Variants in MED13L observed in about 807,000 individuals in gnomAD.
MED13L encodes the protein mediator complex subunit 13L, also known as mediator of RNA polymerase II transcription subunit 13-like.
A neutral mutation model predicts 220.9 loss-of-function variants in MED13L; 7 were observed. That is an observed-to-expected ratio of 0.03 (90% CI 0.02 to 0.06). MED13L has a LOEUF of 0.06. Among genes scored for constraint, MED13L ranks in the 10% least tolerant of loss-of-function variants. The pLI, the probability that MED13L is intolerant of heterozygous loss-of-function variation, is 1.00. For missense variants in MED13L, 1,965 were observed against 2,760.5 expected (o/e 0.71, Z 6.46); for synonymous variants, 1,011 against 1,015.2 (o/e 1.00, Z 0.08).
At chr12:115,993,581 G>C (rs1045843507) in intron 16 of MED13L, among the ~76,000 whole-genome samples, 1 of 151,346 alleles carries the variant, frequency 6.6e-6, no homozygotes, top group African/African-American at 2.4e-5. Flanking sequence ...CAGAAAACTT[G>C]ATTGGCAATC....
At chr12:116,156,400 C>CT (rs1468250966) in intron 2 of MED13L, among the ~76,000 whole-genome samples, 1 of 67,620 alleles carries the variant, frequency 1.5e-5, no homozygotes, top group Non-Finnish European at 2.5e-5. Flanking sequence ...TCTCCAATTA[C>CT]TTAAAAAAAA....
At chr12:116,007,046 T>C (rs1879092176) in intron 11 of MED13L, 2 of 327,802 alleles carry the variant, frequency 6.1e-6, no homozygotes, top group African/African-American at 4.3e-5. Flanking sequence ...ATAAATTGTG[T>C]ATACCTACTG....
chr12:116,003,148 T>C (rs375688781), intron 13 of MED13L, 46 bp from the exon 14 acceptor site: 41 of 1,521,750 alleles, frequency 2.7e-5, no homozygotes, highest in Non-Finnish European at 3.3e-5. Context: ...TGTATATAAG[T>C]AGGGCAGCAT....
chr12:116,179,210 T>G (rs1250595321), intron 2 of MED13L, among the ~76,000 whole-genome samples: 9 of 141,784 alleles, frequency 6.3e-5, no homozygotes, highest in African/African-American at 2.0e-4. Flanking sequence ...TTTACGTGTG[T>G]GTGTGTGTGT....
At chr12:116,185,652 GCTTTTCTTTTCTTTTCTTTT>G (rs11274833) in intron 2 of MED13L, among the ~76,000 whole-genome samples, 24,991 of 139,776 alleles carry the variant, frequency 0.18, 2,477 homozygotes, top group East Asian at 0.31. Context: ...TTCATCACAT[GCTTTTCTTTTCTTTTCTTTT>G]CTTTTCTTTT....
intron 3 of MED13L, chr12:116,110,387 A>AAAT (rs201688489): frequency 1.3e-5 from 2 of 151,648 alleles, no homozygotes; most frequent in Non-Finnish European, 2.9e-5. Flanking sequence ...ATAAATAAAT[A>AAAT]AGGAAATAAA....
At chr12:116,027,966 G>C (rs1275627864) in intron 4 of MED13L, among the ~76,000 whole-genome samples, 1 of 152,132 alleles carries the variant, frequency 6.6e-6, no homozygotes, top group African/African-American at 2.4e-5. Context: ...CTCTGATCTA[G>C]AAATGTGCCT....
intron 2 of MED13L, among the ~76,000 whole-genome samples, chr12:116,217,261 T>C (rs960482407): frequency 3.9e-5 from 6 of 152,198 alleles, no homozygotes; most frequent in Non-Finnish European, 8.8e-5. Flanking sequence ...AGGAGCCCAA[T>C]GTGAGCAAAG....
intron 1 of MED13L, among the ~76,000 whole-genome samples, chr12:116,275,318 A>C (rs1873723749): frequency 1.3e-5 from 2 of 152,174 alleles, no homozygotes; most frequent in African/African-American, 4.8e-5. Context: ...CATACCAAAA[A>C]ATCAAGGGAA....
intron 1 of MED13L, among the ~76,000 whole-genome samples, chr12:116,254,007 C>A (rs1318022715): frequency 6.6e-6 from 1 of 151,908 alleles, no homozygotes; most frequent in African/African-American, 2.4e-5. Context: ...GTGATCCACC[C>A]ACCTCGGCCT....
In MED13L at chr12:115,974,834, C is replaced by A. The variant is rs1876825514; in HGVS notation, c.5731+337G>T. Among the ~76,000 whole-genome samples, 5 of 152,192 alleles carry A rather than the reference C, an allele frequency of 3.3e-5. No homozygotes were observed. In the South Asian group the frequency reaches 1.0e-3, roughly 32 times the overall value. On this transcript the variant is annotated intron_variant, in intron 25 of 30. Transcript: ENST00000281928. Reference sequence around the variant, plus strand: ...TGACTTCAACTGTCACCTATAATCACTGATATAAAATTTTTGTCTTAAAAC... The same window carrying A: ...TGACTTCAACTGTCACCTATAATCAATGATATAAAATTTTTGTCTTAAAAC...
At chr12:115,979,838 A>G (rs970304387) in intron 23 of MED13L, among the ~76,000 whole-genome samples, 2 of 152,248 alleles carry the variant, frequency 1.3e-5, no homozygotes, top group Non-Finnish European at 1.5e-5. Flanking sequence ...CTTCAAGATA[A>G]GGTGATTAGA....
chr12:116,254,460 C>T (rs564984887), intron 1 of MED13L, among the ~76,000 whole-genome samples: 1 of 152,036 alleles, frequency 6.6e-6, no homozygotes, highest in Admixed American at 6.6e-5. Flanking sequence ...AAAAAATACT[C>T]TCAAATGGCC....
rs143961371 is a variant in MED13L, at chr12:115,963,481, G to A, written c.6426C>T (p.Asp2142=). 13 of 1,614,112 alleles carry A rather than the reference G, an allele frequency of 8.1e-6. No individual in the cohort carries two copies. The highest frequency in any genetic ancestry group is 6.7e-5 in the East Asian group (3 of 44,882). The change falls in exon 30 of 31, where the codon GAC becomes GAT. Residue 2142 remains aspartate (D), a synonymous_variant. Coordinates refer to ENST00000281928, the MANE Select transcript of MED13L (RefSeq NM_015335.5). ...GAGAATTCCTGGCAGGCAGAAGTTC[G>A]TCTGTCTGTGCTACTGAAATGTGGT... ...LHHHISVAQT[D]ELLPARNSQR...
chr12:116,050,175 C>A (rs552265501), intron 4 of MED13L, among the ~76,000 whole-genome samples: 8 of 152,154 alleles, frequency 5.3e-5, no homozygotes, highest in Non-Finnish European at 7.4e-5. Context: ...AAAATTATGA[C>A]TCTAAGAGTT....
chr12:116,240,682 G>GC (rs1467652272), intron 1 of MED13L, among the ~76,000 whole-genome samples: 1 of 151,600 alleles, frequency 6.6e-6, no homozygotes, highest in Non-Finnish European at 1.5e-5. Flanking sequence ...GACTACAGGC[G>GC]CCCGCCACCG....
intron 4 of MED13L, among the ~76,000 whole-genome samples, chr12:116,090,047 T>G (rs749692811): frequency 5.9e-5 from 9 of 152,186 alleles, no homozygotes; most frequent in Admixed American, 4.6e-4. Context: ...GCTCAGTCTA[T>G]TATTTGGTCA....
At chr12:116,270,808 C>T (rs879706276) in intron 1 of MED13L, among the ~76,000 whole-genome samples, 2 of 151,548 alleles carry the variant, frequency 1.3e-5, no homozygotes, top group Admixed American at 6.6e-5. Context: ...TTTGGGAGGC[C>T]GAGGCGGGCG....
In MED13L at chr12:116,277,554, G is replaced by T. The variant is rs992267810; in HGVS notation, c.-423C>A. Among the ~76,000 whole-genome samples, 5 of 149,308 alleles carry T rather than the reference G, an allele frequency of 3.3e-5. No homozygotes were observed. The highest frequency in any genetic ancestry group is 6.0e-5 in the Non-Finnish European group (4 of 66,856). On this transcript the variant is annotated 5_prime_UTR_variant, in exon 1 of 31. Coordinates refer to ENST00000281928, the MANE Select transcript of MED13L (RefSeq NM_015335.5). ...CGCCGCGGAGCGCGAACTCGCGAAG[G>T]GGGGGGTGCGGACGAAGCCAGCGGG...
Sources: allele counts gnomAD v4.1 joint callset (sites outside exome capture counted in the v4.1 genomes callset), GRCh38; gene constraint gnomAD v4.1.1; transcripts MANE v1.5; gene names NCBI Gene and HGNC (gene_info 2026-07-23, HGNC 2026-07-21).